Variants in STON2 observed in about 807,000 individuals in gnomAD.
STON2 encodes the protein stonin-2.
STON2 carries 29 observed loss-of-function variants against 65.7 expected under a neutral mutation model. The ratio of observed to expected loss-of-function variants is 0.44; its 90% CI spans 0.33 to 0.60. The LOEUF is 0.60. Among genes scored for constraint, STON2 ranks in the 20% least tolerant of loss-of-function variants. The pLI is 0.03. For synonymous variants in STON2, 404 were observed against 414.2 expected (o/e 0.98, Z 0.30); for missense variants, 1,054 against 1,118.1 (o/e 0.94, Z 0.82).
At chr14:81,386,223 T>TA (rs1294108266) in intron 3 of STON2, among the ~76,000 whole-genome samples, 1 of 151,922 alleles carries the variant, frequency 6.6e-6, no homozygotes, top group African/African-American at 2.4e-5. Context: ...TTGAAGGTAT[T>TA]AAAAAAAATA....
chr14:81,384,534 C>G (rs989585781), intron 3 of STON2, among the ~76,000 whole-genome samples: 14 of 152,164 alleles, frequency 9.2e-5, no homozygotes, highest in Non-Finnish European at 1.5e-4. Flanking sequence ...TCGCGCCCAG[C>G]CCCTAACACA....
At chr14:81,330,312 G>GTCA (rs541750815) in intron 4 of STON2, among the ~76,000 whole-genome samples, 151 of 152,310 alleles carry the variant, frequency 9.9e-4, no homozygotes, top group Non-Finnish European at 1.7e-3. Flanking sequence ...ATGGTAAACA[G>GTCA]TCATGGTGGC....
chr14:81,419,651 C>T (rs917482674), intron 2 of STON2, among the ~76,000 whole-genome samples: 2 of 152,204 alleles, frequency 1.3e-5, no homozygotes, highest in Non-Finnish European at 2.9e-5. Context: ...GCTGCATCCA[C>T]GCTCTAGAGA....
At chr14:81,413,094 T>A in intron 2 of STON2, 1 of 1,137,642 alleles carries the variant, frequency 8.8e-7, no homozygotes, top group Non-Finnish European at 1.3e-6. Context: ...GTGGCTCATA[T>A]CAAGAAGGAA....
intron 1 of STON2, among the ~76,000 whole-genome samples, chr14:81,433,364 T>C (rs1202806406): frequency 3.3e-5 from 5 of 152,186 alleles, no homozygotes; most frequent in Non-Finnish European, 7.4e-5. Flanking sequence ...TAGAAATGTG[T>C]GTTCAGCAGG....
intron 3 of STON2, among the ~76,000 whole-genome samples, chr14:81,391,410 C>T (rs1259239977): frequency 6.6e-6 from 1 of 152,122 alleles, no homozygotes; most frequent in African/African-American, 2.4e-5. Flanking sequence ...GACTGTGTAA[C>T]TTGGGGAATG....
In STON2 at chr14:81,278,116, C is replaced by T. The variant is rs750656225; in HGVS notation, c.1366G>A (p.Ala456Thr). The stretch of plus-strand genomic sequence containing the variant: ...ACTGGGTCATCATCAGGTAGAGTTG[C>T]ACTGCCAAAGTGATCAGGGTCATCA... ...QIDDPDHFGSATLPDDDPVAW... is the reference protein window; with the variant it reads ...QIDDPDHFGSTTLPDDDPVAW... Residue 456 changes from alanine to threonine, a missense_variant, in exon 6 of 8, where the codon GCA becomes ACA. Physicochemically the swap from Ala to Thr is moderately conservative, Grantham distance 58. Coordinates refer to ENST00000614646, the MANE Select transcript of STON2 (RefSeq NM_001394390.1). The T allele has an allele frequency of 1.2e-6, 2 of 1,614,196 alleles. No individual in the cohort carries two copies. The highest frequency in any genetic ancestry group is 1.7e-6 in the Non-Finnish European group (2 of 1,180,040).
At chr14:81,395,791 T>C in intron 3 of STON2, 103 bp downstream of exon 3, 2 of 1,186,606 alleles carry the variant, frequency 1.7e-6, no homozygotes, top group Non-Finnish European at 1.2e-6. Context: ...TGCTTCAGGG[T>C]TAGGGGGCAG....
chr14:81,335,004 ATT>A, intron 4 of STON2, among the ~76,000 whole-genome samples: 1 of 112,744 alleles, frequency 8.9e-6, no homozygotes, highest in African/African-American at 3.2e-5. Flanking sequence ...CGCCTGGCTA[ATT>A]TTTTTTTTGT....
chr14:81,354,704 G>A (rs1198707989), intron 4 of STON2, among the ~76,000 whole-genome samples: 2 of 152,096 alleles, frequency 1.3e-5, no homozygotes, highest in Non-Finnish European at 2.9e-5. Context: ...TAGAGATAAA[G>A]AACACAATTA....
Position 81,371,175 on chromosome 14 carries a change from C to T in STON2, c.384G>A (p.Leu128=), listed in dbSNP as rs1440647871. 4 of 1,614,036 alleles carry T rather than the reference C, an allele frequency of 2.5e-6. No homozygotes were observed. The highest frequency in any genetic ancestry group is 3.4e-6 in the Non-Finnish European group (4 of 1,179,996). Residue 128 remains leucine (L), a synonymous_variant, in exon 4 of 8, where the codon TTG becomes TTA. Coordinates refer to ENST00000614646, the MANE Select transcript of STON2 (RefSeq NM_001394390.1). ...HQETAETALP[L]TMPCWTCPSF... ...AAGGGCATGTCCAGCAGGGCATGGT[C>T]AATGGTAGGGCTGGGGAGAGACCAA...
intron 5 of STON2, among the ~76,000 whole-genome samples, chr14:81,314,144 T>G (rs1896538173): frequency 6.6e-6 from 1 of 152,252 alleles, no homozygotes. Context: ...CCTGGAAATC[T>G]CATCCAAGTC....
chr14:81,415,166 C>A (rs893004146), intron 2 of STON2, among the ~76,000 whole-genome samples: 1 of 152,154 alleles, frequency 6.6e-6, no homozygotes, highest in Non-Finnish European at 1.5e-5. Context: ...TGGACCCAAG[C>A]ACTGTTCATG....
rs569192641 is a variant in STON2, at chr14:81,264,362, ATAAG to A, written c.*4048_*4051del. The A allele has an allele frequency of 6.0e-3, 5,901 of 985,466 alleles. 28 individuals carry two copies. Among genetic ancestry groups the A allele is most frequent in the Non-Finnish European group, 6.8e-3 (5,623 of 829,930 alleles). The allele number at this position is 985,466 out of a possible 1,614,324, so 61.0% of individuals were successfully genotyped here. A position where few individuals can be genotyped will look rare whatever the true frequency, so the allele number is the denominator to read the frequency against. ...CTGGCTTTATTATGAGTATTTGATG[ATAAG>A]TAAGGGTTAAGTAGCCTTCGAGTCT... is the stretch of plus-strand genomic sequence containing the variant. On this transcript the variant is annotated 3_prime_UTR_variant, in exon 8 of 8. Coordinates refer to ENST00000614646, the MANE Select transcript of STON2 (RefSeq NM_001394390.1).
chr14:81,328,783 G>A (rs1897092603), intron 4 of STON2, among the ~76,000 whole-genome samples: 1 of 152,050 alleles, frequency 6.6e-6, no homozygotes, highest in Non-Finnish European at 1.5e-5. Flanking sequence ...CAAGAGAGCT[G>A]GCTGTCAAAA....
At chr14:81,374,140 A>G (rs536535711) in intron 3 of STON2, among the ~76,000 whole-genome samples, 1 of 148,214 alleles carries the variant, frequency 6.7e-6, no homozygotes, top group East Asian at 2.0e-4. Context: ...CCTCCCAAGT[A>G]GCTGGGACTG....
intron 2 of STON2, among the ~76,000 whole-genome samples, chr14:81,397,392 T>C (rs899685033): frequency 6.6e-6 from 1 of 152,230 alleles, no homozygotes; most frequent in Non-Finnish European, 1.5e-5. Context: ...TGAAAATTTA[T>C]AATTTCAACA....
In STON2 at chr14:81,355,318, C is replaced by A. The variant is rs970246527; in HGVS notation, c.571+15670G>T. ...CAGAAGTCTCCAATAAAATTCAACC[C>A]AAAGAGGCGTTCACAAAGACACATA... On this transcript the variant is annotated intron_variant, in intron 4 of 7. Coordinates refer to ENST00000614646, the MANE Select transcript of STON2 (RefSeq NM_001394390.1). Among the ~76,000 whole-genome samples the A allele has an allele frequency of 3.3e-5, 5 of 152,018 alleles. No individual in the cohort carries two copies. The East Asian group carries it at 9.7e-4, about 29-fold the overall frequency.
At chr14:81,345,495 T>C (rs758773582) in intron 4 of STON2, among the ~76,000 whole-genome samples, 1 of 151,934 alleles carries the variant, frequency 6.6e-6, no homozygotes, top group Non-Finnish European at 1.5e-5. Flanking sequence ...TGTGAGAAAA[T>C]AAATTTCTGT....
Sources: allele counts gnomAD v4.1 joint callset (sites outside exome capture counted in the v4.1 genomes callset), GRCh38; gene constraint gnomAD v4.1.1; transcripts MANE v1.5; gene names NCBI Gene and HGNC (gene_info 2026-07-23, HGNC 2026-07-21).